The following CMSS1 variants were observed in gnomAD, a reference collection of about 807,000 sequenced individuals.
CMSS1 encodes the protein cms1 ribosomal small subunit homolog.
A neutral mutation model predicts 43.5 loss-of-function variants in CMSS1; 33 were observed. The ratio of observed to expected loss-of-function variants is 0.76; its 90% CI spans 0.57 to 1.01. The LOEUF (loss-of-function observed/expected upper bound fraction) is 1.01. Among genes scored for constraint, CMSS1 ranks in the 50% least tolerant of loss-of-function variants. CMSS1 has a pLI of 0.00. For synonymous variants in CMSS1, 115 were observed against 117.2 expected (o/e 0.98, Z 0.12); for missense variants, 313 against 326.4 (o/e 0.96, Z 0.32).
chr3:100,056,326 C>T (rs1011005333), intron 1 of CMSS1, among the ~76,000 whole-genome samples: 2 of 152,200 alleles, frequency 1.3e-5, no homozygotes, highest in African/African-American at 4.8e-5. Context: ...AATATTGTTA[C>T]ATTTTCCAGA....
intron 1 of CMSS1, among the ~76,000 whole-genome samples, chr3:99,892,325 G>A (rs1576552250): frequency 6.6e-6 from 1 of 152,184 alleles, no homozygotes; most frequent in Non-Finnish European, 1.5e-5. Flanking sequence ...CCTTCACTGA[G>A]AACTGTCATG....
chr3:99,831,188 T>TA (rs1942657781), intron 1 of CMSS1, among the ~76,000 whole-genome samples: 1 of 152,234 alleles, frequency 6.6e-6, no homozygotes, highest in South Asian at 2.1e-4. Flanking sequence ...TAGGATGTGT[T>TA]AAATGAATTA....
intron 1 of CMSS1, among the ~76,000 whole-genome samples, chr3:100,022,195 T>G (rs1349557086): frequency 6.6e-6 from 1 of 152,164 alleles, no homozygotes; most frequent in Non-Finnish European, 1.5e-5. Flanking sequence ...AGTTTTTTGC[T>G]TCAGATGCAA....
chr3:100,035,612 C>T (rs1035083076), intron 1 of CMSS1, among the ~76,000 whole-genome samples: 3 of 152,172 alleles, frequency 2.0e-5, no homozygotes, highest in Admixed American at 2.0e-4. Flanking sequence ...AGTAATCAAA[C>T]ACTTTGACCT....
intron 9 of CMSS1, among the ~76,000 whole-genome samples, chr3:100,177,958 A>C (rs1249635531): frequency 1.3e-5 from 2 of 152,168 alleles, no homozygotes; most frequent in Non-Finnish European, 2.9e-5. Context: ...GTCTCTACTA[A>C]AAATACAAAA....
chr3:99,965,100 A>G (rs1708610001), intron 1 of CMSS1, among the ~76,000 whole-genome samples: 1 of 152,258 alleles, frequency 6.6e-6, no homozygotes, highest in Admixed American at 6.5e-5. Context: ...AATTACCTTG[A>G]AAGATTACAT....
At chr3:100,098,820 G>A (rs1559757022) in intron 1 of CMSS1, among the ~76,000 whole-genome samples, 2 of 152,242 alleles carry the variant, frequency 1.3e-5, no homozygotes, top group Non-Finnish European at 2.9e-5. Context: ...AATATTTTAG[G>A]GATCTCAAAT....
At chr3:99,904,449 A>C (rs1018285532) in intron 1 of CMSS1, among the ~76,000 whole-genome samples, 6 of 152,220 alleles carry the variant, frequency 3.9e-5, no homozygotes, top group African/African-American at 1.4e-4. Context: ...ATCAAATTAA[A>C]ATAGAGCTTT....
chr3:99,835,175 AG>A (rs1942846322), intron 1 of CMSS1, among the ~76,000 whole-genome samples: 1 of 152,184 alleles, frequency 6.6e-6, no homozygotes, highest in African/African-American at 2.4e-5. Flanking sequence ...GTGGGAGTTA[AG>A]GCAGCTGAAT....
intron 1 of CMSS1, among the ~76,000 whole-genome samples, chr3:99,858,837 G>T (rs530003170): frequency 6.6e-6 from 1 of 152,336 alleles, no homozygotes; most frequent in East Asian, 1.9e-4. Flanking sequence ...TGAAACATCA[G>T]TGGCAAATTT....
Position 99,945,415 on chromosome 3 carries a change from G to T in CMSS1, c.64+127372G>T, listed in dbSNP as rs534885883. On this transcript the variant is annotated intron_variant, in intron 1 of 9. Transcript: ENST00000421999. ...TGAGCTTGGGGGTTCCACCCACTGT[G>T]TGTGGTTCCATATAGCCCTTTGTTA... is the stretch of plus-strand genomic sequence containing the variant. Among the ~76,000 whole-genome samples, 4 of 152,296 alleles carry T rather than the reference G, an allele frequency of 2.6e-5. 1 individual carries two copies. The South Asian group carries it at 8.3e-4, about 32-fold the overall frequency.
At chr3:99,979,354 G>T (rs544686350) in intron 1 of CMSS1, among the ~76,000 whole-genome samples, 1 of 152,230 alleles carries the variant, frequency 6.6e-6, no homozygotes, top group East Asian at 1.9e-4. Context: ...TGTATATACG[G>T]CTCAGAGTTA....
chr3:99,968,885 A>T (rs1436538075), intron 1 of CMSS1, among the ~76,000 whole-genome samples: 1 of 152,202 alleles, frequency 6.6e-6, no homozygotes, highest in East Asian at 1.9e-4. Flanking sequence ...GGGTTAGCAC[A>T]AACCTCTCTT....
Position 100,146,158 on chromosome 3 carries a change from G to A in CMSS1, c.65-815G>A, listed in dbSNP as rs112617691. ...CAAGCACTAAAATCTGAAAGGCAGC[G>A]CGACATTATGGGAAATAAGAACCTT... On this transcript the variant is annotated intron_variant, in intron 1 of 9. Transcript: ENST00000421999. Among the ~76,000 whole-genome samples the A allele has an allele frequency of 8.3e-4, 126 of 152,310 alleles. 1 individual carries two copies. The highest frequency in any genetic ancestry group is 2.8e-3 in the African/African-American group (118 of 41,586).
intron 1 of CMSS1, among the ~76,000 whole-genome samples, chr3:100,111,703 CT>C (rs1372259409): frequency 1.3e-5 from 2 of 152,170 alleles, no homozygotes; most frequent in Admixed American, 6.5e-5. Flanking sequence ...AAATTTTCTT[CT>C]GTCTTAGACT....
intron 1 of CMSS1, among the ~76,000 whole-genome samples, chr3:99,837,763 G>A (rs1052384736): frequency 2.0e-5 from 3 of 152,210 alleles, no homozygotes; most frequent in Non-Finnish European, 4.4e-5. Context: ...AGTGTTCCTT[G>A]AGAAATAGAA....
At chr3:99,828,727 G>A (rs1280454597) in intron 1 of CMSS1, among the ~76,000 whole-genome samples, 1 of 151,738 alleles carries the variant, frequency 6.6e-6, no homozygotes, top group Admixed American at 6.6e-5. Context: ...AAGTGCTGGG[G>A]TTACTGGCGT....
At chr3:100,135,014 A>G (rs1476291213) in intron 1 of CMSS1, among the ~76,000 whole-genome samples, 2 of 152,200 alleles carry the variant, frequency 1.3e-5, no homozygotes, top group Non-Finnish European at 2.9e-5. Flanking sequence ...ACAGATTATA[A>G]CAACAGTACC....
chr3:99,949,567 C>A (rs1212050990), intron 1 of CMSS1, among the ~76,000 whole-genome samples: 1 of 152,132 alleles, frequency 6.6e-6, no homozygotes, highest in African/African-American at 2.4e-5. Context: ...CTATAGCAAC[C>A]TTGGAATCTT....
Sources: gnomAD v4.1 joint callset for allele counts (sites outside exome capture counted in the v4.1 genomes callset) on GRCh38, gnomAD v4.1.1 for gene constraint, MANE v1.5 for transcripts, NCBI Gene and HGNC (gene_info 2026-07-23, HGNC 2026-07-21) for gene names.